INSC: variants seen among roughly 807,000 people sequenced by gnomAD.
INSC encodes the protein INSC spindle orientation adaptor protein, also known as protein inscuteable homolog.
INSC carries 67 observed loss-of-function variants against 58.6 expected under a neutral mutation model. The ratio of observed to expected loss-of-function variants is 1.14; its 90% confidence interval spans 0.94 to 1.40. The LOEUF (loss-of-function observed/expected upper bound fraction) is 1.40, where lower values mean the gene tolerates loss of function less well. Ranked by LOEUF, INSC falls within the 40% of genes most tolerant of loss-of-function variation. The probability of loss-of-function intolerance (pLI) is 0.00; values close to 1 mark genes in which losing one functional copy is unlikely to be tolerated. For missense variants in INSC, 714 were observed against 692.0 expected, an observed-to-expected ratio of 1.03 and a Z score of -0.36; for synonymous variants, 262 against 276.1, an observed-to-expected ratio of 0.95 and a Z score of 0.51.
chr11:15,151,595 C>T (rs145955136), intron 2 of INSC, among the ~76,000 whole-genome samples: 27 of 138,638 alleles, frequency 1.9e-4, no homozygotes, highest in African/African-American at 6.4e-4. Flanking sequence ...CCTATCTTTC[C>T]ATCTGGGATG....
chr11:15,255,166 T>C, the INSC span, among the ~76,000 whole-genome samples: 78 of 152,290 alleles, frequency 5.1e-4, no homozygotes, highest in Admixed American at 5.0e-3. Flanking sequence ...GGTACACATA[T>C]ATTTTATTTT....
At chr11:15,143,401 G>A (rs1165327109) in intron 1 of INSC, among the ~76,000 whole-genome samples, 2 of 152,124 alleles carry the variant, frequency 1.3e-5, no homozygotes, top group Non-Finnish European at 2.9e-5. Flanking sequence ...TGGGGTCAGA[G>A]GAAGGAGTAC....
intron 5 of INSC, among the ~76,000 whole-genome samples, chr11:15,182,685 T>C (rs1590411562): frequency 6.6e-6 from 1 of 152,242 alleles, no homozygotes; most frequent in Non-Finnish European, 1.5e-5. Context: ...GACAGACCAG[T>C]AGTCTTCAAA....
At chr11:15,113,143 T>TTTTCTTTCTTTCTTTCTTTCTCTCTC (rs1847611491), upstream of INSC, among the ~76,000 whole-genome samples, 1 of 98,642 alleles carries the variant, frequency 1.0e-5, no homozygotes, top group Admixed American at 1.1e-4. Flanking sequence ...CTTTCTTTCT[T>TTTTCTTTCTTTCTTTCTTTCTCTCTC]TCTGTCTCTC....
intron 1 of INSC, among the ~76,000 whole-genome samples, chr11:15,123,008 C>G (rs1847910938): frequency 6.6e-6 from 1 of 152,210 alleles, no homozygotes; most frequent in Non-Finnish European, 1.5e-5. Context: ...CCAGCACTCC[C>G]TCCCTGGCTC....
At chr11:15,268,454 C>G in the INSC span, among the ~76,000 whole-genome samples, 1 of 152,000 alleles carries the variant, frequency 6.6e-6, no homozygotes, top group East Asian at 1.9e-4. Flanking sequence ...AGATATGATT[C>G]TCGATCAGTG....
chr11:15,150,040 A>G (rs181582858), intron 2 of INSC, among the ~76,000 whole-genome samples: 13 of 152,334 alleles, frequency 8.5e-5, no homozygotes, highest in Non-Finnish European at 1.8e-4. Flanking sequence ...AGCTTGTGAA[A>G]TCTTTTTTTC....
intron 12 of INSC, chr11:15,241,523 A>G (rs781588809): frequency 2.9e-6 from 2 of 701,258 alleles, no homozygotes; most frequent in Non-Finnish European, 2.6e-6. Flanking sequence ...ATTTTATTCA[A>G]TAAATGTTTA....
In INSC at chr11:15,238,160, A is replaced by G. The variant is rs548730574; in HGVS notation, c.1238-759A>G. Reference sequence around the variant, plus strand: ...CCTTGTAGAAAGAAAGAGTGGGTAAAGGCAAGGAGGTATGAGCGGACATGG... The same window carrying G: ...CCTTGTAGAAAGAAAGAGTGGGTAAGGGCAAGGAGGTATGAGCGGACATGG... On this transcript the variant is annotated intron_variant, in intron 10 of 12. Transcript: ENST00000379556. Among the ~76,000 whole-genome samples the G allele has an allele frequency of 5.3e-5, 8 of 152,154 alleles. No homozygotes were observed. In the South Asian group the frequency reaches 1.7e-3, roughly 32 times the overall value.
rs1399263115 is a variant in INSC at position 15,182,114 on chromosome 11, A to G, written c.579+3667A>G. On this transcript the variant is annotated intron_variant, in intron 5 of 12. Coordinates refer to ENST00000379556, the MANE Select transcript of INSC (RefSeq NM_001042536.3). ...TACTAGTCTTTCCCAGCCATAATTA[A>G]AAGGGTTCAAAAAGCCCTTAATTCT... Among the ~76,000 whole-genome samples the G allele has an allele frequency of 2.0e-5, 3 of 152,170 alleles. No individual in the cohort carries two copies. In the East Asian group the frequency reaches 5.8e-4, roughly 29 times the overall value.
At chr11:15,231,694 C>T (rs1332811835) in intron 9 of INSC, among the ~76,000 whole-genome samples, 3 of 152,226 alleles carry the variant, frequency 2.0e-5, no homozygotes, top group Non-Finnish European at 4.4e-5. Flanking sequence ...CTAATTTCTG[C>T]ACAGCATAAA....
At chr11:15,196,149 G>A (rs1850361138) in intron 6 of INSC, among the ~76,000 whole-genome samples, 3 of 152,114 alleles carry the variant, frequency 2.0e-5, no homozygotes, top group African/African-American at 7.2e-5. Flanking sequence ...TTATTTACAT[G>A]GGCCACACCC....
chr11:15,147,466 C>T (rs879592247), intron 1 of INSC, among the ~76,000 whole-genome samples: 13 of 152,164 alleles, frequency 8.5e-5, no homozygotes, highest in African/African-American at 1.9e-4. Flanking sequence ...TTAGCTCTTA[C>T]GTTGGCCATA....
At chr11:15,167,452 AAC>A (rs534748346) in intron 2 of INSC, among the ~76,000 whole-genome samples, 39 of 152,054 alleles carry the variant, frequency 2.6e-4, no homozygotes, top group Non-Finnish European at 4.1e-4. Context: ...CTCTATAAAT[AAC>A]AGTTATTTTA....
At chr11:15,190,135 C>T (rs1346087911) in intron 5 of INSC, among the ~76,000 whole-genome samples, 3 of 152,146 alleles carry the variant, frequency 2.0e-5, no homozygotes, top group Non-Finnish European at 1.5e-5. Context: ...TTCATCTTGG[C>T]CTTACCCCAC....
At chr11:15,229,983 ATATATAT>A (rs1851825549) in intron 9 of INSC, among the ~76,000 whole-genome samples, 1 of 23,762 alleles carries the variant, frequency 4.2e-5, no homozygotes, top group Non-Finnish European at 7.0e-5. Context: ...TATATATTAT[ATATATAT>A]ATATATATAT....
At chr11:15,228,694 C>T (rs535212712) in intron 9 of INSC, among the ~76,000 whole-genome samples, 3 of 152,284 alleles carry the variant, frequency 2.0e-5, no homozygotes, top group East Asian at 1.9e-4. Flanking sequence ...CTGCCAATGA[C>T]GCCAATGCTG....
intron 1 of INSC, among the ~76,000 whole-genome samples, chr11:15,136,334 A>G (rs149815104): frequency 0.013 from 2,006 of 152,272 alleles, 23 homozygotes; most frequent in South Asian, 0.049. Context: ...GTCTTGCCTG[A>G]TGTTGATGTC....
At chr11:15,264,784 A>G in the INSC span, among the ~76,000 whole-genome samples, 3 of 152,130 alleles carry the variant, frequency 2.0e-5, no homozygotes, top group East Asian at 5.8e-4. Context: ...TAGTAGCCTT[A>G]ATTACATCTG....
Sources: allele counts gnomAD v4.1 joint callset (sites outside exome capture counted in the v4.1 genomes callset), GRCh38; gene constraint gnomAD v4.1.1; transcripts MANE v1.5; gene names NCBI Gene and HGNC (gene_info 2026-07-23, HGNC 2026-07-21).